ROBO1: variants seen among roughly 807,000 people sequenced by gnomAD.
The protein encoded by ROBO1 is roundabout homolog 1.
In ROBO1, 149 loss-of-function variants were observed where a neutral mutation model predicts 195.9. The ratio of observed to expected loss-of-function variants is 0.76; its 90% CI spans 0.67 to 0.87. ROBO1 has a LOEUF of 0.87. ROBO1 is among the 40% of genes least tolerant of loss of function. ROBO1 has a pLI of 0.00. For missense variants in ROBO1, 1,933 were observed against 2,068.3 expected, an observed-to-expected ratio of 0.93 and a Z score of 1.27; for synonymous variants, 816 against 733.2, an observed-to-expected ratio of 1.11 and a Z score of -1.82.
intron 2 of ROBO1, among the ~76,000 whole-genome samples, chr3:79,171,576 T>A (rs551207052): frequency 4.9e-4 from 75 of 152,194 alleles, no homozygotes; most frequent in Non-Finnish European, 9.4e-4. Flanking sequence ...CACACATACA[T>A]AAAGGGATAA....
In ROBO1 at chr3:78,708,043, A is replaced by C. The variant is rs537673355; in HGVS notation, c.1045+6354T>G. On this transcript the variant is annotated intron_variant, in intron 8 of 30. Coordinates refer to ENST00000464233, the MANE Select transcript of ROBO1 (RefSeq NM_002941.4). Reference sequence around the variant, plus strand: ...GGGAACATGATCACTCTGGTGATAGAGAGTCACAAATTTACTTTGGAAATG... The same window carrying C: ...GGGAACATGATCACTCTGGTGATAGCGAGTCACAAATTTACTTTGGAAATG... Among the ~76,000 whole-genome samples the C allele has an allele frequency of 4.6e-5, 7 of 152,332 alleles. No individual in the cohort carries two copies. In the South Asian group the frequency reaches 1.4e-3, roughly 32 times the overall value.
chr3:79,228,171 G>T (rs978339440), intron 2 of ROBO1, among the ~76,000 whole-genome samples: 6 of 151,832 alleles, frequency 4.0e-5, no homozygotes, highest in Non-Finnish European at 1.5e-5. Flanking sequence ...AAAGGACAAA[G>T]AAGGAAAAGA....
At chr3:79,242,292 T>C (rs2082534087) in intron 2 of ROBO1, among the ~76,000 whole-genome samples, 1 of 152,162 alleles carries the variant, frequency 6.6e-6, no homozygotes, top group South Asian at 2.1e-4. Context: ...AAATTCTCTT[T>C]TATTTAACAC....
chr3:78,805,576 A>G (rs573042642), intron 4 of ROBO1, among the ~76,000 whole-genome samples: 9 of 152,144 alleles, frequency 5.9e-5, no homozygotes, highest in African/African-American at 1.9e-4. Flanking sequence ...AAAATAAAAT[A>G]ATTTGAATAA....
chr3:78,666,654 T>G (rs112992410), intron 14 of ROBO1, among the ~76,000 whole-genome samples: 127 of 152,274 alleles, frequency 8.3e-4, no homozygotes, highest in African/African-American at 2.7e-3. Flanking sequence ...GAGCTATGGG[T>G]GTGTTACATT....
At chr3:79,671,186 T>C (rs80094724) in intron 1 of ROBO1, among the ~76,000 whole-genome samples, 5 of 151,860 alleles carry the variant, frequency 3.3e-5, no homozygotes, top group Non-Finnish European at 5.9e-5. Context: ...AGCAATTAAT[T>C]ACATACATTA....
At chr3:79,293,784 C>T (rs1010191288) in intron 2 of ROBO1, among the ~76,000 whole-genome samples, 19 of 152,102 alleles carry the variant, frequency 1.2e-4, no homozygotes, top group East Asian at 1.9e-4. Context: ...TTGGGCCGGG[C>T]GCGGTGGCTC....
intron 2 of ROBO1, among the ~76,000 whole-genome samples, chr3:79,248,901 A>G (rs1270162661): frequency 6.6e-6 from 1 of 152,104 alleles, no homozygotes; most frequent in East Asian, 1.9e-4. Context: ...GAGGGTGCAA[A>G]ATTGTAATGG....
At chr3:78,905,612 A>AAC (rs1331152793) in intron 4 of ROBO1, among the ~76,000 whole-genome samples, 1 of 151,958 alleles carries the variant, frequency 6.6e-6, no homozygotes, top group Non-Finnish European at 1.5e-5. Flanking sequence ...GAGCAAGACA[A>AAC]ACACACACAC....
At chr3:79,606,051 T>TAC (rs1553772635) in intron 1 of ROBO1, among the ~76,000 whole-genome samples, 1 of 151,186 alleles carries the variant, frequency 6.6e-6, no homozygotes, top group African/African-American at 2.4e-5. Context: ...TATATATATA[T>TAC]ACACCCATTT....
At chr3:78,860,035 T>C (rs1293616080) in intron 4 of ROBO1, among the ~76,000 whole-genome samples, 4 of 149,908 alleles carry the variant, frequency 2.7e-5, no homozygotes, top group South Asian at 4.2e-4. Flanking sequence ...GCTGAGATTG[T>C]GCCACTGCAC....
chr3:79,166,826 T>G (rs1382307282), intron 2 of ROBO1, among the ~76,000 whole-genome samples: 1 of 152,126 alleles, frequency 6.6e-6, no homozygotes, highest in Non-Finnish European at 1.5e-5. Context: ...TTTTCTTAAT[T>G]TGTTCACTAA....
chr3:79,595,160 T>C (rs1213307626), intron 1 of ROBO1, among the ~76,000 whole-genome samples: 1 of 151,972 alleles, frequency 6.6e-6, no homozygotes, highest in East Asian at 1.9e-4. Context: ...ATGTTTATTT[T>C]CAAGTAATAT....
At chr3:79,351,794 CT>C (rs1339330372) in intron 2 of ROBO1, among the ~76,000 whole-genome samples, 18 of 150,808 alleles carry the variant, frequency 1.2e-4, no homozygotes, top group African/African-American at 2.4e-4. Context: ...TTCTTTCTTT[CT>C]TTTTTTTTCT....
In ROBO1 at chr3:79,005,447, C is replaced by T. The variant is rs111647968; in HGVS notation, c.173-66520G>A. Among the ~76,000 whole-genome samples, 1,194 of 152,172 alleles carry T rather than the reference C, an allele frequency of 7.8e-3. 19 individuals are homozygous for T. The highest frequency in any genetic ancestry group is 0.027 in the African/African-American group (1,135 of 41,504). On this transcript the variant is annotated intron_variant, in intron 3 of 30. Transcript: ENST00000464233. The stretch of plus-strand genomic sequence containing the variant: ...ACAAAAACAAATTCTATGTATTTTA[C>T]CGTGAAACAGAATGAAAACTAAAAA...
At chr3:79,430,323 T>C (rs2038626039) in intron 2 of ROBO1, among the ~76,000 whole-genome samples, 1 of 152,134 alleles carries the variant, frequency 6.6e-6, no homozygotes. Flanking sequence ...TCCAACTCAA[T>C]ATAATTTAAT....
At chr3:79,635,307 G>T (rs1024193329) in intron 1 of ROBO1, among the ~76,000 whole-genome samples, 1 of 152,164 alleles carries the variant, frequency 6.6e-6, no homozygotes, top group Non-Finnish European at 1.5e-5. Flanking sequence ...AATCTGGAAA[G>T]AAGCAAATTG....
At chr3:78,599,989 A>T in intron 30 of ROBO1, 124 bp downstream of exon 30, 1 of 801,392 alleles carries the variant, frequency 1.2e-6, no homozygotes, top group Non-Finnish European at 2.2e-6. Flanking sequence ...CTGCCATCAT[A>T]GACATTAGAG....
At chr3:79,755,582 T>C (rs1704342323) in intron 1 of ROBO1, among the ~76,000 whole-genome samples, 1 of 152,122 alleles carries the variant, frequency 6.6e-6, no homozygotes, top group African/African-American at 2.4e-5. Context: ...AAATTACATC[T>C]ATTTAAAAAA....
Sources: allele counts gnomAD v4.1 joint callset (sites outside exome capture counted in the v4.1 genomes callset), GRCh38; gene constraint gnomAD v4.1.1; transcripts MANE v1.5; gene names NCBI Gene and HGNC (gene_info 2026-07-23, HGNC 2026-07-21).